TIGAR: variants seen among roughly 807,000 people sequenced by gnomAD.
The protein encoded by TIGAR is TP53 induced glycolysis regulatory phosphatase, also known as fructose-2,6-bisphosphatase TIGAR.
Under a neutral mutation model 17.9 loss-of-function variants are expected in TIGAR, and 7 were observed. The ratio of observed to expected loss-of-function variants is 0.39; its 90% CI spans 0.22 to 0.73. TIGAR has a LOEUF of 0.73. TIGAR is among the 30% of genes least tolerant of loss of function. The pLI is 0.42. For synonymous variants in TIGAR, 94 were observed against 108.6 expected, an observed-to-expected ratio of 0.87 and a Z score of 0.84; for missense variants, 258 against 327.4, an observed-to-expected ratio of 0.79 and a Z score of 1.64.
intron 2 of TIGAR, 54 bp downstream of exon 2, chr12:4,331,371 G>A (rs1864602104): frequency 1.3e-6 from 2 of 1,559,240 alleles, no homozygotes; most frequent in South Asian, 2.2e-5. Flanking sequence ...AATAAGATGT[G>A]TGAGTTAAGC....
At chr12:4,331,145 G>C (rs1285204215) in intron 1 of TIGAR, 135 bp from the exon 2 acceptor site, 2 of 765,206 alleles carry the variant, frequency 2.6e-6, no homozygotes, top group Non-Finnish European at 4.5e-6. Flanking sequence ...TGTTTTTACA[G>C]GTTGGATTAT....
chr12:4,322,712 A>G (rs919245225), intron 1 of TIGAR, among the ~76,000 whole-genome samples: 3 of 152,224 alleles, frequency 2.0e-5, no homozygotes, highest in Non-Finnish European at 2.9e-5. Flanking sequence ...TTCCTTTATA[A>G]GAAAGATAAT....
chr12:4,337,461 C>T (rs1431194098), intron 3 of TIGAR, among the ~76,000 whole-genome samples: 2 of 152,154 alleles, frequency 1.3e-5, no homozygotes, highest in East Asian at 1.9e-4. Flanking sequence ...CGCCCAGCAA[C>T]AGGTGAGTTT....
rs1220378203 is a variant in TIGAR, at chr12:4,359,827, CAAT to C, written c.*7137_*7139del. On this transcript the variant is annotated 3_prime_UTR_variant, in exon 6 of 6. Coordinates refer to ENST00000179259, the MANE Select transcript of TIGAR (RefSeq NM_020375.3). ...GGTTGTACCATTTCATGCTTATCAACAATGAGTTCTAGGTGCTTCACATCCTTG... is the reference window on the plus strand; with the variant it reads ...GGTTGTACCATTTCATGCTTATCAACGAGTTCTAGGTGCTTCACATCCTTG... 6.6e-6 allele frequency among the ~76,000 whole-genome samples: 1 copy of C among 152,138 alleles called. No homozygotes were observed. The highest frequency in any genetic ancestry group is 2.4e-5 in the African/African-American group (1 of 41,422).
At chr12:4,335,063 G>A (rs1864643347) in intron 2 of TIGAR, among the ~76,000 whole-genome samples, 2 of 151,734 alleles carry the variant, frequency 1.3e-5, no homozygotes, top group South Asian at 4.1e-4. Flanking sequence ...TTGAGACGGA[G>A]TTTCACTCTT....
intron 1 of TIGAR, among the ~76,000 whole-genome samples, chr12:4,329,122 C>G (rs1352888569): frequency 6.6e-6 from 1 of 151,996 alleles, no homozygotes; most frequent in Admixed American, 6.6e-5. Flanking sequence ...TCTACTTAAT[C>G]ATATATCTTG....
Position 4,352,635 on chromosome 12 carries a change from C to G in TIGAR, c.757C>G (p.Gln253Glu), listed in dbSNP as rs1430941346. 1 of 1,607,162 alleles carries G rather than the reference C, an allele frequency of 6.2e-7. No homozygotes were observed. The highest frequency in any genetic ancestry group is 1.3e-5 in the African/African-American group (1 of 74,942). The stretch of plus-strand genomic sequence containing the variant: ...AGGAAGAGAAGTTAAACCAACGGTT[C>G]AGTGTATTTGTATGAACCTACAGGA... ...EEGREVKPTV[Q>E]CICMNLQDHL... The change falls in exon 6 of 6, where the codon CAG becomes GAG. Residue 253 changes from glutamine to glutamate, a missense_variant. Physicochemically the swap from Gln to Glu is conservative, Grantham distance 29. Transcript: ENST00000179259.
chr12:4,325,562 G>A (rs547577302), intron 1 of TIGAR, among the ~76,000 whole-genome samples: 8 of 151,856 alleles, frequency 5.3e-5, no homozygotes, highest in African/African-American at 1.9e-4. Flanking sequence ...TCAACATGGT[G>A]AAACCCCGTC....
At chr12:4,346,729 A>G (rs544447297) in intron 3 of TIGAR, among the ~76,000 whole-genome samples, 2 of 152,300 alleles carry the variant, frequency 1.3e-5, no homozygotes, top group East Asian at 3.9e-4. Flanking sequence ...CGTCGTGCAC[A>G]TGTACCCTAG....
Position 4,356,545 on chromosome 12 carries a change from A to G in TIGAR, c.*3854A>G, listed in dbSNP as rs539000460. Among the ~76,000 whole-genome samples, 1 of 152,114 alleles carries G rather than the reference A, an allele frequency of 6.6e-6. No individual in the cohort carries two copies. Among genetic ancestry groups the G allele is most frequent in the African/African-American group, 2.4e-5 (1 of 41,418 alleles). On this transcript the variant is annotated 3_prime_UTR_variant, in exon 6 of 6. Coordinates refer to ENST00000179259, the MANE Select transcript of TIGAR (RefSeq NM_020375.3). ...TCAACATCCCCCACCAGACCAGTGC[A>G]TCTGTTACCATCGGTGAGCCCACAT...
At chr12:4,343,557 C>T (rs1864748138) in intron 3 of TIGAR, among the ~76,000 whole-genome samples, 1 of 152,208 alleles carries the variant, frequency 6.6e-6, no homozygotes, top group Admixed American at 6.5e-5. Context: ...TGCAATCAAA[C>T]TAGAACTCAG....
chr12:4,325,063 C>G (rs1323247624), intron 1 of TIGAR, among the ~76,000 whole-genome samples: 3 of 152,002 alleles, frequency 2.0e-5, no homozygotes, highest in Non-Finnish European at 2.9e-5. Context: ...CTGCTTCAGC[C>G]TCCGGAGTAG....
chr12:4,328,053 A>C (rs1382549624), intron 1 of TIGAR, among the ~76,000 whole-genome samples: 1 of 152,190 alleles, frequency 6.6e-6, no homozygotes, highest in Non-Finnish European at 1.5e-5. Context: ...AATCCAATAC[A>C]TGGTAACTAT....
At position 4,352,451 on chromosome 12, in the gene TIGAR, C is replaced by G; in HGVS notation, c.573C>G (p.Ala191=). 3 of 1,614,130 alleles carry G rather than the reference C, an allele frequency of 1.9e-6. No individual in the cohort carries two copies. Among genetic ancestry groups the G allele is most frequent in the Non-Finnish European group, 1.7e-6 (2 of 1,180,038 alleles). ...NSDSGIPGLA[A]SVLVVSHGAY... ...ACAGCGGTATTCCAGGATTAGCAGCCAGTGTCTTAGTTGTGAGTCACGGTG... is the reference window on the plus strand; with the variant it reads ...ACAGCGGTATTCCAGGATTAGCAGCGAGTGTCTTAGTTGTGAGTCACGGTG... Residue 191 remains alanine (A), a synonymous_variant, in exon 6 of 6, where the codon GCC becomes GCG. Transcript: ENST00000179259.
At chr12:4,342,357 C>T (rs537853499) in intron 3 of TIGAR, among the ~76,000 whole-genome samples, 1 of 152,228 alleles carries the variant, frequency 6.6e-6, no homozygotes, top group African/African-American at 2.4e-5. Context: ...CAAGGCAGGC[C>T]AACATTCAAA....
At chr12:4,324,089 G>T (rs1565444775) in intron 1 of TIGAR, among the ~76,000 whole-genome samples, 1 of 152,192 alleles carries the variant, frequency 6.6e-6, no homozygotes, top group African/African-American at 2.4e-5. Context: ...ACTTTGAAAT[G>T]AAAGTACCAG....
In TIGAR at chr12:4,357,711, T is replaced by G. The variant is rs1183200698; in HGVS notation, c.*5020T>G. Reference sequence around the variant, plus strand: ...AATATGGCCTAAGGGGGTGATTTCTTCATTGATAAGTGACAGGGCAGGGAC... The same window carrying G: ...AATATGGCCTAAGGGGGTGATTTCTGCATTGATAAGTGACAGGGCAGGGAC... On this transcript the variant is annotated 3_prime_UTR_variant, in exon 6 of 6. Coordinates refer to ENST00000179259, the MANE Select transcript of TIGAR (RefSeq NM_020375.3). 6.6e-6 allele frequency among the ~76,000 whole-genome samples: 1 copy of G among 152,150 alleles called. No individual in the cohort carries two copies. Among genetic ancestry groups the G allele is most frequent in the African/African-American group, 2.4e-5 (1 of 41,426 alleles).
rs1333479493 is a variant in TIGAR at position 4,337,049 on chromosome 12, A to G, written c.81A>G (p.Val27=). The change falls in exon 3 of 6, where the codon GTA becomes GTG. Residue 27 remains valine (V), a synonymous_variant. Transcript: ENST00000179259. The stretch of plus-strand genomic sequence containing the variant: ...CTTAATATATCACAGGACAAGGAGT[A>G]GATGAACCTCTTTCAGAAACTGGAT... The part of the protein sequence containing the change: ...NKEKIIQGQG[V]DEPLSETGFK... The G allele has an allele frequency of 6.2e-7, 1 of 1,609,414 alleles. No individual in the cohort carries two copies. The highest frequency in any genetic ancestry group is 1.7e-5 in the Admixed American group (1 of 60,008).
chr12:4,342,935 G>A (rs551388886), intron 3 of TIGAR, among the ~76,000 whole-genome samples: 3 of 152,196 alleles, frequency 2.0e-5, no homozygotes, highest in African/African-American at 4.8e-5. Context: ...AAAAGACACA[G>A]ACTGGCAACT....
Sources: allele counts gnomAD v4.1 joint callset (sites outside exome capture counted in the v4.1 genomes callset), GRCh38; gene constraint gnomAD v4.1.1; transcripts MANE v1.5; gene names NCBI Gene and HGNC (gene_info 2026-07-23, HGNC 2026-07-21).